HHLA1: variants seen among roughly 807,000 people sequenced by gnomAD.
HHLA1 encodes the protein HERV-H LTR-associating protein 1.
Under a neutral mutation model 69.9 loss-of-function variants are expected in HHLA1, and 72 were observed. The ratio of observed to expected loss-of-function variants is 1.03; its 90% confidence interval spans 0.85 to 1.25. The LOEUF is 1.25. Among genes scored for constraint, HHLA1 ranks in the 50% most tolerant of loss-of-function variants. The pLI is 0.00. For missense variants in HHLA1, 685 were observed against 642.2 expected, an observed-to-expected ratio of 1.07 and a Z score of -0.72; for synonymous variants, 252 against 233.2, an observed-to-expected ratio of 1.08 and a Z score of -0.73.
At chr8:132,101,256 C>A in intron 3 of HHLA1, 2 of 1,550,236 alleles carry the variant, frequency 1.3e-6, no homozygotes, top group Non-Finnish European at 1.7e-6. Context: ...TCCTTCTTAA[C>A]ATCTTTATTT....
rs1261431283 is a variant in HHLA1 at position 132,095,741 on chromosome 8, G to T, written c.326C>A (p.Ser109Tyr). The T allele has an allele frequency of 6.4e-7, 1 of 1,551,258 alleles. No homozygotes were observed. The highest frequency in any genetic ancestry group is 1.4e-5 in the African/African-American group (1 of 73,120). ...TACAGAAAACTTGTGGAAGGCGAAG[G>T]AACTGTAGGAAGTGACACTCAGCAA... ...FSLLSVTSYS[S>Y]FAFHKFSVAV... is the part of the protein sequence containing the mutation. The change falls in exon 6 of 17, where the codon TCC (serine) becomes TAC (tyrosine). Residue 109 changes from serine to tyrosine, a missense_variant. Ser to Tyr is a moderately radical substitution (Grantham distance 144). Transcript: ENST00000414222.
At chr8:132,090,022 AAATGC>A in intron 7 of HHLA1, among the ~76,000 whole-genome samples, 1 of 152,362 alleles carries the variant, frequency 6.6e-6, no homozygotes, top group South Asian at 2.1e-4. Flanking sequence ...TGGAAAATGA[AAATGC>A]AATGTGGAAT....
chr8:132,091,504 T>C (rs1823944971), intron 7 of HHLA1, among the ~76,000 whole-genome samples: 1 of 152,250 alleles, frequency 6.6e-6, no homozygotes, highest in African/African-American at 2.4e-5. Flanking sequence ...GCTCAATGCA[T>C]TTTGTCAATT....
Position 132,077,951 on chromosome 8 carries a change from T to A in HHLA1, c.946A>T (p.Thr316Ser), listed in dbSNP as rs2130882141. The change falls in exon 12 of 17, where the codon ACT becomes TCT. Residue 316 changes from threonine to serine, a missense_variant. Coordinates refer to ENST00000414222, the MANE Select transcript of HHLA1 (RefSeq NM_001145095.3). ...PALATRRVAR[T>S]QWLTADRQTW... ...TGTCTGTCAGCTGTCAACCACTGAG[T>A]TCTGGCCACCCTCCTGGTAGCTGCA... 1 of 1,551,554 alleles carries A rather than the reference T, an allele frequency of 6.4e-7. No homozygotes were observed. The highest frequency in any genetic ancestry group is 1.4e-5 in the African/African-American group (1 of 73,132).
chr8:132,098,933 C>T lies in HHLA1; in HGVS notation c.229G>A (p.Ala77Thr), dbSNP rs1013632868. 7.1e-6 allele frequency: 11 copies of T among 1,551,104 alleles called. No homozygotes were observed. Among genetic ancestry groups the T allele is most frequent in the African/African-American group, 2.7e-5 (2 of 73,002 alleles). The change falls in exon 5 of 17, where the codon GCG becomes ACG. Residue 77 changes from alanine to threonine, a missense_variant. Physicochemically the swap from Ala to Thr is moderately conservative, Grantham distance 58 (BLOSUM62 0). Coordinates refer to ENST00000414222, the MANE Select transcript of HHLA1 (RefSeq NM_001145095.3). Reference protein sequence around the residue: ...ELPARSIDLSALNLTELVNGM... With the variant: ...ELPARSIDLSTLNLTELVNGM... ...TTCACAAGCTCTGTCAGGTTAAGCG[C>T]GGACAGATCGATTGACCTTGCGGGC... is the stretch of plus-strand genomic sequence containing the variant.
At chr8:132,066,069 G>A (rs545416130) in intron 15 of HHLA1, 101 bp from the exon 16 acceptor site, 3 of 449,638 alleles carry the variant, frequency 6.7e-6, no homozygotes, top group South Asian at 1.8e-5. Context: ...GAACTATATG[G>A]CCAATTATTC....
intron 15 of HHLA1, chr8:132,070,467 AGATCCTCTGCCAT>A (rs1823514072): frequency 2.9e-6 from 2 of 684,054 alleles, no homozygotes; most frequent in Admixed American, 4.2e-5. Flanking sequence ...GAACCACTCA[AGATCCTCTGCCAT>A]GATCCTCTGC....
intron 7 of HHLA1, among the ~76,000 whole-genome samples, chr8:132,094,536 T>G (rs1823991844): frequency 6.6e-6 from 1 of 152,190 alleles, no homozygotes; most frequent in Non-Finnish European, 1.5e-5. Context: ...TCTGGACCAC[T>G]GTCCCCAGGA....
intron 3 of HHLA1, among the ~76,000 whole-genome samples, chr8:132,102,941 A>T (rs1288997392): frequency 6.6e-6 from 1 of 152,194 alleles, no homozygotes; most frequent in African/African-American, 2.4e-5. Flanking sequence ...GATGTAATAC[A>T]GAGCATTTTT....
At chr8:132,099,948 T>G (rs1250883438) in intron 4 of HHLA1, 127 bp downstream of exon 4, 13 of 678,806 alleles carry the variant, frequency 1.9e-5, no homozygotes, top group Non-Finnish European at 3.4e-5. Context: ...CAACTTTTAC[T>G]TAATGATCAG....
intron 2 of HHLA1, 36 bp from the exon 3 acceptor site, chr8:132,104,203 C>T (rs1051379774): frequency 7.0e-7 from 1 of 1,424,178 alleles, no homozygotes; most frequent in Non-Finnish European, 9.7e-7. Context: ...GAAATTATAA[C>T]CAAGACATAA....
rs1272492370 is a variant in HHLA1 at position 132,062,510 on chromosome 8, A to T, written c.*1485T>A. 6.6e-6 allele frequency: 1 copy of T among 152,150 alleles called. No individual in the cohort carries two copies. Among genetic ancestry groups the T allele is most frequent in the African/African-American group, 2.4e-5 (1 of 41,408 alleles). 9.4% of individuals were successfully genotyped at this position (152,150 alleles called of 1,614,324 possible). On this transcript the variant is annotated 3_prime_UTR_variant, in exon 17 of 17. Transcript: ENST00000414222. ...CCCTAGGTCACAAAAGGGTAAAAAA[A>T]ATACTCATGGCCCAGCAGAGTCCTA... is the stretch of plus-strand genomic sequence containing the variant.
intron 15 of HHLA1, among the ~76,000 whole-genome samples, chr8:132,068,848 C>A (rs1034519829): frequency 6.6e-6 from 1 of 151,728 alleles, no homozygotes; most frequent in East Asian, 1.9e-4. Flanking sequence ...TTCTGGGGCC[C>A]CAAATAAGAA....
chr8:132,072,627 A>T (rs566778246), intron 14 of HHLA1, among the ~76,000 whole-genome samples: 1 of 152,136 alleles, frequency 6.6e-6, no homozygotes, highest in Non-Finnish European at 1.5e-5. Flanking sequence ...ACCAGGAAAA[A>T]TTATCTAAAA....
intron 15 of HHLA1, among the ~76,000 whole-genome samples, chr8:132,067,220 C>T (rs779885843): frequency 2.8e-4 from 42 of 152,128 alleles, no homozygotes; most frequent in Non-Finnish European, 5.4e-4. Context: ...GGAAATATTG[C>T]CCAAAGCAGA....
intron 1 of HHLA1, among the ~76,000 whole-genome samples, chr8:132,108,850 T>C (rs1824248931): frequency 6.6e-6 from 1 of 152,160 alleles, no homozygotes; most frequent in Non-Finnish European, 1.5e-5. Context: ...TTAGCATCCA[T>C]TGGTTTCCCC....
In HHLA1 at chr8:132,097,682, C is replaced by T. The variant is rs116051654; in HGVS notation, c.280+1200G>A. The stretch of plus-strand genomic sequence containing the variant: ...TGATAATTCAGTCTCTCCACAGCAC[C>T]CTCTACAGGTAGATCACTGCCTTCT... On this transcript the variant is annotated intron_variant, in intron 5 of 16. Coordinates refer to ENST00000414222, the MANE Select transcript of HHLA1 (RefSeq NM_001145095.3). Among the ~76,000 whole-genome samples the T allele has an allele frequency of 8.1e-3, 1,240 of 152,308 alleles. 14 individuals are homozygous for T. Among genetic ancestry groups the T allele is most frequent in the African/African-American group, 0.028 (1,160 of 41,552 alleles).
intron 16 of HHLA1, 41 bp from the exon 17 acceptor site, chr8:132,064,079 GA>G (rs1479771662): frequency 1.6e-6 from 2 of 1,233,558 alleles, no homozygotes; most frequent in African/African-American, 3.1e-5. Flanking sequence ...AAGGTACTGA[GA>G]TATAAACACT....
chr8:132,082,359 G>T (rs1434781294), intron 10 of HHLA1, among the ~76,000 whole-genome samples: 1 of 152,230 alleles, frequency 6.6e-6, no homozygotes, highest in Admixed American at 6.5e-5. Flanking sequence ...GTAAGGTCAA[G>T]TTGTTTGGAC....
Sources: allele counts gnomAD v4.1 joint callset (sites outside exome capture counted in the v4.1 genomes callset), GRCh38; gene constraint gnomAD v4.1.1; transcripts MANE v1.5; gene names NCBI Gene and HGNC (gene_info 2026-07-23, HGNC 2026-07-21).